Variants in PATJ observed in about 807,000 individuals in gnomAD.
PATJ encodes the protein PATJ crumbs cell polarity complex component.
A neutral mutation model predicts 224.9 loss-of-function variants in PATJ; 190 were observed. The ratio of observed to expected loss-of-function variants is 0.84; its 90% CI spans 0.75 to 0.95. PATJ has a LOEUF of 0.95. Among genes scored for constraint, PATJ ranks in the 40% least tolerant of loss-of-function variants. The pLI is 0.00. For synonymous variants in PATJ, 769 were observed against 820.3 expected (o/e 0.94, Z 1.07); for missense variants, 2,121 against 2,270.3 (o/e 0.93, Z 1.34).
chr1:61,836,393 T>A (rs1660182658), intron 17 of PATJ, among the ~76,000 whole-genome samples: 1 of 152,248 alleles, frequency 6.6e-6, no homozygotes, highest in Non-Finnish European at 1.5e-5. Flanking sequence ...ATTCTTTTTG[T>A]CTTTGTGCTT....
At chr1:62,135,122 G>A (rs535992521) in intron 41 of PATJ, among the ~76,000 whole-genome samples, 30 of 152,176 alleles carry the variant, frequency 2.0e-4, no homozygotes, top group African/African-American at 7.2e-4. Context: ...ATTTTTCTGG[G>A]ATATGGCATG....
At chr1:62,019,004 G>GGAGGATCACCT (rs1336164195) in intron 29 of PATJ, among the ~76,000 whole-genome samples, 1 of 152,148 alleles carries the variant, frequency 6.6e-6, no homozygotes, top group East Asian at 1.9e-4. Flanking sequence ...CAGCACTTTG[G>GGAGGATCACCT]GAGGATCACC....
chr1:62,122,817 CTG>C (rs1278436278), intron 38 of PATJ, among the ~76,000 whole-genome samples: 9 of 149,852 alleles, frequency 6.0e-5, no homozygotes, highest in African/African-American at 2.2e-4. Flanking sequence ...AAGCGAGACT[CTG>C]TGTCAAAAAA....
At chr1:61,963,630 A>G (rs1031533565) in intron 27 of PATJ, among the ~76,000 whole-genome samples, 3 of 152,080 alleles carry the variant, frequency 2.0e-5, no homozygotes, top group East Asian at 1.9e-4. Context: ...GGAGGAAAAA[A>G]TATATTTACT....
At chr1:61,815,037 T>C (rs1655823397) in intron 14 of PATJ, among the ~76,000 whole-genome samples, 1 of 152,142 alleles carries the variant, frequency 6.6e-6, no homozygotes, top group Non-Finnish European at 1.5e-5. Flanking sequence ...AATAGACAAG[T>C]AAAAAATAAC....
chr1:61,817,235 G>A (rs547976402), intron 14 of PATJ, among the ~76,000 whole-genome samples: 10 of 152,226 alleles, frequency 6.6e-5, no homozygotes, highest in Non-Finnish European at 1.3e-4. Flanking sequence ...GGGCCAGGCA[G>A]GAAACATAAA....
At chr1:61,920,757 G>A (rs113295751) in intron 26 of PATJ, among the ~76,000 whole-genome samples, 3,294 of 145,700 alleles carry the variant, frequency 0.023, 62 homozygotes, top group Non-Finnish European at 0.036. Flanking sequence ...GCCCAGGCTG[G>A]AGTGCAGTGG....
intron 34 of PATJ, among the ~76,000 whole-genome samples, chr1:62,110,745 T>C (rs115013353): frequency 0.013 from 1,937 of 152,306 alleles, 43 homozygotes; most frequent in African/African-American, 0.044. Flanking sequence ...CTAGCTTTGT[T>C]ATTCTTTCCT....
At chr1:61,746,998 T>C (rs937857912) in intron 1 of PATJ, among the ~76,000 whole-genome samples, 4 of 152,214 alleles carry the variant, frequency 2.6e-5, no homozygotes, top group African/African-American at 9.6e-5. Context: ...TTAATAATTA[T>C]CCTTACACTG....
intron 33 of PATJ, among the ~76,000 whole-genome samples, chr1:62,088,502 A>T (rs1660315965): frequency 6.6e-6 from 1 of 152,162 alleles, no homozygotes; most frequent in South Asian, 2.1e-4. Flanking sequence ...CTCAGAGGTG[A>T]TGCTGACCAT....
intron 33 of PATJ, among the ~76,000 whole-genome samples, chr1:62,098,655 A>G (rs902690473): frequency 9.2e-5 from 14 of 151,998 alleles, no homozygotes; most frequent in Non-Finnish European, 1.9e-4. Context: ...TATTAGTGTC[A>G]TGAACAAATT....
intron 33 of PATJ, among the ~76,000 whole-genome samples, chr1:62,102,287 C>T (rs1052153822): frequency 2.0e-5 from 3 of 152,262 alleles, no homozygotes; most frequent in African/African-American, 7.2e-5. Context: ...TTTCTGTTGT[C>T]CCAGTGAAAA....
chr1:62,127,739 G>A (rs181084575), intron 39 of PATJ, among the ~76,000 whole-genome samples: 40 of 152,118 alleles, frequency 2.6e-4, no homozygotes, highest in African/African-American at 9.2e-4. Flanking sequence ...CCTGGGAGGC[G>A]GAAGTTGCAG....
intron 27 of PATJ, among the ~76,000 whole-genome samples, chr1:61,985,499 G>A (rs12093181): frequency 0.27 from 40,534 of 151,880 alleles, 5,774 homozygotes; most frequent in East Asian, 0.45. Flanking sequence ...GTATTGTTCA[G>A]TGTTAAATAC....
intron 26 of PATJ, among the ~76,000 whole-genome samples, chr1:61,922,299 C>T (rs757721366): frequency 6.6e-6 from 1 of 152,102 alleles, no homozygotes; most frequent in Non-Finnish European, 1.5e-5. Flanking sequence ...CCCGCCTCAG[C>T]CTCCCAAAGG....
intron 8 of PATJ, among the ~76,000 whole-genome samples, chr1:61,790,467 G>C (rs138216261): frequency 6.6e-6 from 1 of 151,030 alleles, no homozygotes; most frequent in Non-Finnish European, 1.5e-5. Context: ...GGTGGGCTTG[G>C]CTGGGCTCTC....
At position 62,128,927 on chromosome 1, in the gene PATJ, C is replaced by T. The variant is rs41305852; in HGVS notation, c.5253C>T (p.Tyr1751=). Residue 1751 remains tyrosine, a synonymous_variant, in exon 41 of 44, where the codon TAC becomes TAT. Transcript: ENST00000642238. The stretch of plus-strand genomic sequence containing the variant: ...TGGTTAATCTGCTGAAGAACGCCTA[C>T]GGGCGCATTATCCTGCAGGTATTGC... ...ADVVNLLKNA[Y]GRIILQVVAD... is the part of the protein sequence containing the mutation. The T allele has an allele frequency of 1.9e-5, 31 of 1,610,002 alleles. No individual in the cohort carries two copies. The highest frequency in any genetic ancestry group is 1.2e-4 in the African/African-American group (9 of 74,910).
intron 24 of PATJ, among the ~76,000 whole-genome samples, chr1:61,905,971 C>T (rs1671802740): frequency 6.6e-6 from 1 of 152,174 alleles, no homozygotes; most frequent in Non-Finnish European, 1.5e-5. Flanking sequence ...CATTACATCA[C>T]ACAGTTAAGG....
intron 42 of PATJ, among the ~76,000 whole-genome samples, chr1:62,149,411 T>C (rs1050325519): frequency 7.9e-5 from 12 of 152,202 alleles, no homozygotes; most frequent in Non-Finnish European, 1.5e-4. Flanking sequence ...AAGGATCTCA[T>C]GGTCATAGCC....
Sources: gnomAD v4.1 joint callset for allele counts (sites outside exome capture counted in the v4.1 genomes callset) on GRCh38, gnomAD v4.1.1 for gene constraint, MANE v1.5 for transcripts, NCBI Gene and HGNC (gene_info 2026-07-23, HGNC 2026-07-21) for gene names.